ARHGEF10: variants seen among roughly 807,000 people sequenced by gnomAD.
The protein encoded by ARHGEF10 is Rho guanine nucleotide exchange factor (GEF) 10.
Under a neutral mutation model 147.4 loss-of-function variants are expected in ARHGEF10, and 140 were observed. That is an observed-to-expected ratio of 0.95 (90% CI 0.83 to 1.09). The LOEUF (loss-of-function observed/expected upper bound fraction) is 1.09, where lower values mean the gene tolerates loss of function less well. Ranked by LOEUF, ARHGEF10 falls within the 50% of genes least tolerant of loss-of-function variation. ARHGEF10 has a pLI of 0.00. For synonymous variants in ARHGEF10, 902 were observed against 695.8 expected (o/e 1.30, Z -4.67); for missense variants, 2,222 against 1,752.7 (o/e 1.27, Z -4.78).
At chr8:1,924,397 T>A (rs1563292875) in intron 21 of ARHGEF10, among the ~76,000 whole-genome samples, 1 of 152,206 alleles carries the variant, frequency 6.6e-6, no homozygotes, top group Non-Finnish European at 1.5e-5. Flanking sequence ...CCTTGATTAT[T>A]TTTTGCTCTG....
intron 1 of ARHGEF10, chr8:1,826,068 A>G (rs750462788): frequency 6.3e-7 from 1 of 1,583,120 alleles, no homozygotes; most frequent in Admixed American, 1.7e-5. Flanking sequence ...TGGCTTTAGC[A>G]GCCAACATCG....
intron 1 of ARHGEF10, among the ~76,000 whole-genome samples, chr8:1,829,545 G>C (rs1167356814): frequency 1.3e-5 from 2 of 152,248 alleles, no homozygotes; most frequent in Non-Finnish European, 2.9e-5. Context: ...CACACGAGAG[G>C]CCCTGACCCA....
intron 2 of ARHGEF10, among the ~76,000 whole-genome samples, chr8:1,850,022 CTG>C (rs1234301022): frequency 5.7e-4 from 48 of 83,532 alleles, no homozygotes; most frequent in Non-Finnish European, 6.6e-4. Context: ...CGTGGGCCGG[CTG>C]CATGGACACA....
chr8:1,852,132 T>A (rs964262415), intron 2 of ARHGEF10, among the ~76,000 whole-genome samples: 1 of 152,064 alleles, frequency 6.6e-6, no homozygotes, highest in Non-Finnish European at 1.5e-5. Flanking sequence ...CAACAACAAC[T>A]GAGGCTCTTG....
rs1554465981 is a variant in ARHGEF10, at chr8:1,833,315, A to AGCAGAGAGAAG, written c.-48+9208_-48+9209insAGAAGGCAGAG. On this transcript the variant is annotated intron_variant, in intron 1 of 28. Transcript: ENST00000349830. ...AAGCAGAGACAGAGGCAGAGACAGA[A>AGCAGAGAGAAG]GCAGAGGGAGACAGAGACAGAGGCA... Among the ~76,000 whole-genome samples the AGCAGAGAGAAG allele has an allele frequency of 2.8e-4, 34 of 122,458 alleles. No individual in the cohort carries two copies. The East Asian group carries it at 3.1e-3, about 11-fold the overall frequency. 80.3% of individuals were successfully genotyped at this position (122,458 alleles called of 152,430 possible). A position where few individuals can be genotyped will look rare whatever the true frequency, so the allele number is the denominator to read the frequency against.
intron 26 of ARHGEF10, among the ~76,000 whole-genome samples, chr8:1,935,335 G>A (rs1385284066): frequency 6.6e-6 from 1 of 152,082 alleles, no homozygotes. Flanking sequence ...TCCACTGGGG[G>A]CTTACTCTTG....
rs537917850 is a variant in ARHGEF10, at chr8:1,843,801, C to T, written c.37+365C>T. Among the ~76,000 whole-genome samples, 7 of 152,338 alleles carry T rather than the reference C, an allele frequency of 4.6e-5. No homozygotes were observed. The South Asian group carries it at 1.0e-3, about 23-fold the overall frequency. On this transcript the variant is annotated intron_variant, in intron 2 of 28. Coordinates refer to ENST00000349830, the MANE Select transcript of ARHGEF10 (RefSeq NM_014629.4). ...GAAGGCCTCGCTCAGGCTTAAAGCT[C>T]AGCTCGCCCATGGCGGGTGCTCGCC...
At chr8:1,856,663 C>T (rs944389569) in intron 2 of ARHGEF10, among the ~76,000 whole-genome samples, 4 of 152,220 alleles carry the variant, frequency 2.6e-5, no homozygotes, top group Admixed American at 6.5e-5. Context: ...CAGCCCCCTC[C>T]GGAGCTGCCT....
intron 7 of ARHGEF10, among the ~76,000 whole-genome samples, chr8:1,875,612 G>C (rs1807632295): frequency 2.6e-5 from 4 of 152,216 alleles, no homozygotes; most frequent in Admixed American, 2.6e-4. Context: ...GCTTTGCCAG[G>C]CTGCTGTTGA....
chr8:1,919,704 TG>T (rs112497308), intron 18 of ARHGEF10, among the ~76,000 whole-genome samples: 4 of 145,800 alleles, frequency 2.7e-5, no homozygotes, highest in African/African-American at 5.2e-5. Context: ...TTGTGGGTGA[TG>T]GAGCTGTTCT....
At chr8:1,941,186 A>T (rs1814062810) in intron 26 of ARHGEF10, among the ~76,000 whole-genome samples, 1 of 152,244 alleles carries the variant, frequency 6.6e-6, no homozygotes, top group Non-Finnish European at 1.5e-5. Flanking sequence ...GCATTTGCAT[A>T]TGATATCCTC....
chr8:1,923,939 G>A, intron 21 of ARHGEF10, 65 bp downstream of exon 21: 1 of 1,465,094 alleles, frequency 6.8e-7, no homozygotes, highest in Non-Finnish European at 9.5e-7. Context: ...TGCCCACGAG[G>A]GTGAGGTCAG....
chr8:1,860,503 A>C (rs1399793758), intron 4 of ARHGEF10, among the ~76,000 whole-genome samples: 1 of 152,050 alleles, frequency 6.6e-6, no homozygotes, highest in African/African-American at 2.4e-5. Context: ...GGTTCCGTAG[A>C]GTCCGGGCCT....
intron 4 of ARHGEF10, among the ~76,000 whole-genome samples, chr8:1,861,669 A>G (rs1234386993): frequency 6.6e-6 from 1 of 152,034 alleles, no homozygotes; most frequent in Non-Finnish European, 1.5e-5. Flanking sequence ...TCAATTTTGG[A>G]TTTTGGGAAA....
At chr8:1,833,099 GAGAC>G (rs1471665507) in intron 1 of ARHGEF10, among the ~76,000 whole-genome samples, 112 of 40,968 alleles carry the variant, frequency 2.7e-3, no homozygotes, top group East Asian at 0.023. Flanking sequence ...CAGAGGCAGA[GAGAC>G]AGAGACAGAG....
chr8:1,887,134 G>T (rs569014565), intron 11 of ARHGEF10, among the ~76,000 whole-genome samples: 1 of 152,310 alleles, frequency 6.6e-6, no homozygotes, highest in East Asian at 1.9e-4. Flanking sequence ...TACCTATTCT[G>T]GTGAGGACAC....
At chr8:1,879,732 T>A (rs1808019739) in intron 8 of ARHGEF10, among the ~76,000 whole-genome samples, 1 of 152,064 alleles carries the variant, frequency 6.6e-6, no homozygotes, top group Admixed American at 6.6e-5. Flanking sequence ...TTTGTAATTT[T>A]AATAGAGACA....
At chr8:1,867,651 G>C (rs750255656) in intron 6 of ARHGEF10, among the ~76,000 whole-genome samples, 3 of 152,182 alleles carry the variant, frequency 2.0e-5, no homozygotes, top group Non-Finnish European at 2.9e-5. Context: ...CAGATCTGCA[G>C]TCCCACCTGC....
chr8:1,873,744 C>T (rs1039836343), intron 7 of ARHGEF10, among the ~76,000 whole-genome samples: 5 of 147,554 alleles, frequency 3.4e-5, no homozygotes, highest in Non-Finnish European at 7.5e-5. Context: ...TTGAGAGGTG[C>T]CGCGGGGTAG....
Sources: gnomAD v4.1 joint callset for allele counts (sites outside exome capture counted in the v4.1 genomes callset) on GRCh38, gnomAD v4.1.1 for gene constraint, MANE v1.5 for transcripts, NCBI Gene and HGNC (gene_info 2026-07-23, HGNC 2026-07-21) for gene names.